VAV2: variants seen among roughly 807,000 people sequenced by gnomAD.
VAV2 encodes the protein vav guanine nucleotide exchange factor 2, also known as guanine nucleotide exchange factor VAV2.
Under a neutral mutation model 132.5 loss-of-function variants are expected in VAV2, and 67 were observed. The observed-to-expected ratio is 0.51, with a 90% confidence interval of 0.42 to 0.62. The LOEUF is 0.62. Ranked by LOEUF, VAV2 falls within the 20% of genes least tolerant of loss-of-function variation. VAV2 has a pLI of 0.00. For synonymous variants in VAV2, 492 were observed against 443.5 expected (o/e 1.11, Z -1.37); for missense variants, 938 against 1,153.6 (o/e 0.81, Z 2.71).
chr9:133,796,354 C>T (rs1443310748), intron 11 of VAV2, 75 bp downstream of exon 11: 1 of 1,310,878 alleles, frequency 7.6e-7, no homozygotes, highest in Non-Finnish European at 1.1e-6. Context: ...GCAACCTATA[C>T]CCCCTGGAAG....
At chr9:133,796,070 G>A (rs1221593528) in intron 11 of VAV2, among the ~76,000 whole-genome samples, 2 of 152,210 alleles carry the variant, frequency 1.3e-5, no homozygotes, top group Admixed American at 6.5e-5. Flanking sequence ...AGAAACCACC[G>A]CCTTCCCTCC....
Position 133,859,105 on chromosome 9 carries a change from G to C in VAV2, c.380+2269C>G, listed in dbSNP as rs563301582. On this transcript the variant is annotated intron_variant, in intron 3 of 29. Transcript: ENST00000371850. ...AGAGACGTGGGGGACGGAGGGGGTG[G>C]CCCGGAGGGAGGGTGCCCACCCCGG... Among the ~76,000 whole-genome samples, 3 of 152,168 alleles carry C rather than the reference G, an allele frequency of 2.0e-5. No homozygotes were observed. The East Asian group carries it at 5.8e-4, about 30-fold the overall frequency.
intron 2 of VAV2, among the ~76,000 whole-genome samples, chr9:133,914,981 A>G (rs2789831): frequency 0.97 from 147,019 of 152,128 alleles, 71,173 homozygotes; most frequent in Non-Finnish European, 1. Flanking sequence ...CAAACCCAGG[A>G]CAGCTCGCAC....
rs148974732 is a variant in VAV2 at position 133,866,415 on chromosome 9, G to A, written c.322-4983C>T. Among the ~76,000 whole-genome samples, 334 of 152,282 alleles carry A rather than the reference G, an allele frequency of 2.2e-3. 6 individuals carry two copies. Among genetic ancestry groups the A allele is most frequent in the African/African-American group, 7.7e-3 (319 of 41,564 alleles). On this transcript the variant is annotated intron_variant, in intron 2 of 29. Coordinates refer to ENST00000371850, the MANE Select transcript of VAV2 (RefSeq NM_001134398.2). Reference sequence around the variant, plus strand: ...ACAAGAACCTCCAAGCAAAACAGCCGTCAAATCACCATGAGCCTGCAGCCC... The same window carrying A: ...ACAAGAACCTCCAAGCAAAACAGCCATCAAATCACCATGAGCCTGCAGCCC...
At chr9:133,898,912 C>A (rs1471915209) in intron 2 of VAV2, among the ~76,000 whole-genome samples, 1 of 147,192 alleles carries the variant, frequency 6.8e-6, no homozygotes, top group Admixed American at 6.9e-5. Flanking sequence ...AGCTCCGCCT[C>A]CAGGGTTCTC....
intron 2 of VAV2, among the ~76,000 whole-genome samples, chr9:133,921,091 G>A (rs1168111360): frequency 1.3e-5 from 2 of 152,220 alleles, no homozygotes; most frequent in South Asian, 2.1e-4. Context: ...GTGCAGCCCT[G>A]AGAGGGGAAG....
intron 1 of VAV2, among the ~76,000 whole-genome samples, chr9:133,967,933 CAAAA>C (rs34152925): frequency 2.8e-5 from 2 of 71,362 alleles, no homozygotes; most frequent in Non-Finnish European, 5.0e-5. Flanking sequence ...ACTCTATAAC[CAAAA>C]AAAAAAAAAA....
intron 11 of VAV2, among the ~76,000 whole-genome samples, chr9:133,796,055 C>T (rs1315403737): frequency 3.5e-4 from 54 of 152,212 alleles, no homozygotes; most frequent in Non-Finnish European, 1.5e-5. Flanking sequence ...CGCAAGGTGC[C>T]GGGCAGAAAC....
chr9:133,976,464 TAAG>T (rs1015901709), intron 1 of VAV2, among the ~76,000 whole-genome samples: 1 of 152,124 alleles, frequency 6.6e-6, no homozygotes, highest in African/African-American at 2.4e-5. Context: ...GGAGCCCTAG[TAAG>T]AAGATGGGCT....
At chr9:133,895,689 T>G (rs1339685549) in intron 2 of VAV2, among the ~76,000 whole-genome samples, 2 of 152,056 alleles carry the variant, frequency 1.3e-5, no homozygotes, top group African/African-American at 2.4e-5. Context: ...GGTTTCTTTT[T>G]GGGGGTAATG....
At chr9:133,774,007 A>C (rs1259064201) in intron 25 of VAV2, among the ~76,000 whole-genome samples, 2 of 152,160 alleles carry the variant, frequency 1.3e-5, no homozygotes, top group African/African-American at 4.8e-5. Flanking sequence ...GACCACCACC[A>C]CATATGGGGT....
At chr9:133,963,902 A>G (rs942396458) in intron 1 of VAV2, among the ~76,000 whole-genome samples, 1 of 151,824 alleles carries the variant, frequency 6.6e-6, no homozygotes, top group Admixed American at 6.6e-5. Flanking sequence ...GCTGAGTCCT[A>G]AATGGAAAGT....
intron 15 of VAV2, among the ~76,000 whole-genome samples, chr9:133,787,860 G>A (rs1239347751): frequency 6.9e-6 from 1 of 145,738 alleles, no homozygotes; most frequent in Non-Finnish European, 1.5e-5. Flanking sequence ...CCCCACCCCA[G>A]CAGCCACAGG....
intron 2 of VAV2, among the ~76,000 whole-genome samples, chr9:133,929,020 G>A (rs1316486260): frequency 2.0e-5 from 3 of 152,176 alleles, no homozygotes; most frequent in East Asian, 1.9e-4. Context: ...AACAGGCAGC[G>A]GCACCATCTG....
chr9:133,772,103 C>T (rs1833651178), intron 25 of VAV2, 57 bp from the exon 26 acceptor site: 1 of 1,349,686 alleles, frequency 7.4e-7, no homozygotes, highest in East Asian at 2.3e-5. Flanking sequence ...GCCCCGGCCC[C>T]CTTGGCAGCC....
chr9:133,900,328 G>A (rs1056677483), intron 2 of VAV2, among the ~76,000 whole-genome samples: 1 of 152,146 alleles, frequency 6.6e-6, no homozygotes, highest in Non-Finnish European at 1.5e-5. Context: ...CCAACATGAA[G>A]GCCCTCCTGT....
chr9:133,968,889 C>T (rs1233238973), intron 1 of VAV2, among the ~76,000 whole-genome samples: 3 of 152,180 alleles, frequency 2.0e-5, no homozygotes, highest in African/African-American at 7.2e-5. Flanking sequence ...AAATGTGCCT[C>T]ACTGAGAACC....
Position 133,991,967 on chromosome 9 carries a change from C to G in VAV2, c.204+108G>C. On this transcript the variant is annotated intron_variant, in intron 1 of 29. Transcript: ENST00000371850. This position sits in a 1 kb window ranked among gnomAD's most constrained non-coding sequence, Gnocchi z 4.8. Reference sequence around the variant, plus strand: ...GCCCGCGTCCCGGAGCCCGGCCGCCCCAGCCAGGGCGCCTGGGCCGCCGCC... The same window carrying G: ...GCCCGCGTCCCGGAGCCCGGCCGCCGCAGCCAGGGCGCCTGGGCCGCCGCC... 1 of 995,182 alleles carries G rather than the reference C, an allele frequency of 1.0e-6. No individual in the cohort carries two copies. The highest frequency in any genetic ancestry group is 4.8e-5 in the South Asian group (1 of 20,688). The allele number at this position is 995,182 out of a possible 1,614,324, so 61.6% of individuals were successfully genotyped here. A position where few individuals can be genotyped will look rare whatever the true frequency, so the allele number is the denominator to read the frequency against.
chr9:133,781,917 A>G (rs1300967022), intron 19 of VAV2, among the ~76,000 whole-genome samples: 2 of 152,200 alleles, frequency 1.3e-5, no homozygotes, highest in African/African-American at 4.8e-5. Flanking sequence ...CATACTAAGA[A>G]AAATTCAAAA....
Sources: allele counts gnomAD v4.1 joint callset (sites outside exome capture counted in the v4.1 genomes callset), GRCh38; gene constraint gnomAD v4.1.1; non-coding constraint Gnocchi (gnomAD v3.1); transcripts MANE v1.5; gene names NCBI Gene and HGNC (gene_info 2026-07-23, HGNC 2026-07-21).